Variants in CTIF observed in about 807,000 individuals in gnomAD.
CTIF encodes the protein CBP80/20-dependent translation initiation factor.
A neutral mutation model predicts 66.0 loss-of-function variants in CTIF; 21 were observed. That is an observed-to-expected ratio of 0.32 (90% confidence interval 0.23 to 0.46). CTIF has a LOEUF of 0.46. Ranked by LOEUF, CTIF falls within the 20% of genes least tolerant of loss-of-function variation. CTIF has a pLI of 1.00. For synonymous variants in CTIF, 345 were observed against 326.4 expected (o/e 1.06, Z -0.62); for missense variants, 739 against 812.7 (o/e 0.91, Z 1.10).
At chr18:48,603,399 GT>G (rs2090137730) in intron 1 of CTIF, among the ~76,000 whole-genome samples, 32 of 68,088 alleles carry the variant, frequency 4.7e-4, no homozygotes, top group African/African-American at 1.2e-3. Flanking sequence ...GGATGGATAT[GT>G]GAATGAGTGG....
intron 9 of CTIF, among the ~76,000 whole-genome samples, chr18:48,813,063 C>T (rs565480910): frequency 2.9e-4 from 44 of 151,778 alleles, no homozygotes; most frequent in African/African-American, 8.5e-4. Flanking sequence ...ATCTATTCTG[C>T]TCTCTAGGTG....
At position 48,667,266 on chromosome 18, in the gene CTIF, T is replaced by C. The variant is rs371974501; in HGVS notation, c.431+2715T>C. On this transcript the variant is annotated intron_variant, in intron 5 of 11. Coordinates refer to ENST00000256413, the MANE Select transcript of CTIF (RefSeq NM_014772.3). Reference sequence around the variant, plus strand: ...GACTAGACTATGCAGTGTAGACATATAGACACCATAAAGACATATATAGAC... The same window carrying C: ...GACTAGACTATGCAGTGTAGACATACAGACACCATAAAGACATATATAGAC... Among the ~76,000 whole-genome samples, 41 of 152,278 alleles carry C rather than the reference T, an allele frequency of 2.7e-4. No individual in the cohort carries two copies. The South Asian group carries it at 5.8e-3, about 22-fold the overall frequency.
intron 3 of CTIF, among the ~76,000 whole-genome samples, chr18:48,647,207 G>A (rs148052217): frequency 4.1e-4 from 62 of 152,316 alleles, no homozygotes; most frequent in African/African-American, 1.4e-3. Context: ...CTCCAAAGTC[G>A]CATACTCTGC....
chr18:48,675,785 G>A (rs1327229020), intron 6 of CTIF, among the ~76,000 whole-genome samples: 2 of 152,240 alleles, frequency 1.3e-5, no homozygotes, highest in African/African-American at 4.8e-5. Flanking sequence ...CACCCACTGG[G>A]GTGGGGCTGG....
chr18:48,848,885 A>G (rs2069136754), intron 10 of CTIF, among the ~76,000 whole-genome samples: 1 of 152,254 alleles, frequency 6.6e-6, no homozygotes, highest in African/African-American at 2.4e-5. Context: ...GCCAGAGACA[A>G]TAGGACAGGA....
At chr18:48,612,078 G>C (rs1598738331) in intron 1 of CTIF, among the ~76,000 whole-genome samples, 2 of 152,216 alleles carry the variant, frequency 1.3e-5, no homozygotes, top group Non-Finnish European at 2.9e-5. Flanking sequence ...TTTCCCAGGG[G>C]TTGGGGACCT....
chr18:48,544,128 C>T (rs961706247), intron 1 of CTIF, among the ~76,000 whole-genome samples: 4 of 152,210 alleles, frequency 2.6e-5, no homozygotes, highest in African/African-American at 9.7e-5. Flanking sequence ...TCTCAACTGA[C>T]TCAAGTAAGG....
At chr18:48,826,779 C>T (rs1209756839) in intron 10 of CTIF, 2 of 152,176 alleles carry the variant, frequency 1.3e-5, no homozygotes, top group African/African-American at 4.8e-5. Flanking sequence ...TATTGAACTG[C>T]GAAGTTTCCT....
chr18:48,704,821 G>A (rs9964435), intron 6 of CTIF, among the ~76,000 whole-genome samples: 7,530 of 152,234 alleles, frequency 0.049, 264 homozygotes, highest in African/African-American at 0.1. Context: ...AGACTTCAGC[G>A]TAAGAATTTG....
rs531925406 is a variant in CTIF at position 48,540,522 on chromosome 18, G to C, written c.-29+1210G>C. Among the ~76,000 whole-genome samples the C allele has an allele frequency of 1.1e-4, 17 of 151,910 alleles. No homozygotes were observed. The East Asian group carries it at 2.9e-3, about 26-fold the overall frequency. On this transcript the variant is annotated intron_variant, in intron 1 of 11. Transcript: ENST00000256413. ...TTGATGGTAAAAGACAATCGGGAGG[G>C]GGGTGGTCCGAGCCCGTTATCTGGG... is the stretch of plus-strand genomic sequence containing the variant.
chr18:48,711,562 T>G, intron 6 of CTIF, 57 bp from the exon 7 acceptor site: 1 of 1,378,018 alleles, frequency 7.3e-7, no homozygotes, highest in Non-Finnish European at 1.0e-6. Flanking sequence ...GTCCCAGAGG[T>G]GCTTTGCTCT....
At chr18:48,765,514 G>A (rs1189397151) in intron 9 of CTIF, among the ~76,000 whole-genome samples, 1 of 152,264 alleles carries the variant, frequency 6.6e-6, no homozygotes, top group Non-Finnish European at 1.5e-5. Flanking sequence ...TTCTCTTGCT[G>A]CCAGGGCTTC....
At chr18:48,813,721 A>G (rs1259307434) in intron 9 of CTIF, among the ~76,000 whole-genome samples, 1 of 152,232 alleles carries the variant, frequency 6.6e-6, no homozygotes, top group Non-Finnish European at 1.5e-5. Flanking sequence ...GTCAAGAGCT[A>G]GTTCTTTGAT....
At chr18:48,798,535 C>T (rs576480067) in intron 9 of CTIF, among the ~76,000 whole-genome samples, 1 of 152,344 alleles carries the variant, frequency 6.6e-6, no homozygotes, top group East Asian at 1.9e-4. Flanking sequence ...TAGCACAGTA[C>T]TGAGTTCCGA....
intron 7 of CTIF, among the ~76,000 whole-genome samples, chr18:48,724,686 C>T (rs765681423): frequency 2.6e-5 from 4 of 152,210 alleles, no homozygotes; most frequent in African/African-American, 4.8e-5. Context: ...TGTGTGAGCT[C>T]CTGGGCTCAC....
At chr18:48,707,550 CTCT>C (rs61360241) in intron 6 of CTIF, among the ~76,000 whole-genome samples, 1,676 of 151,642 alleles carry the variant, frequency 0.011, 30 homozygotes, top group African/African-American at 0.036. Flanking sequence ...CCTTGTCCTC[CTCT>C]TCTTCTTCTT....
intron 1 of CTIF, among the ~76,000 whole-genome samples, chr18:48,594,160 C>T (rs181907358): frequency 4.6e-4 from 70 of 151,948 alleles, no homozygotes; most frequent in African/African-American, 1.3e-3. Flanking sequence ...TACCCTTTTC[C>T]GGCGGGTCCT....
intron 1 of CTIF, among the ~76,000 whole-genome samples, chr18:48,549,248 G>A (rs897070415): frequency 6.6e-6 from 1 of 152,142 alleles, no homozygotes; most frequent in African/African-American, 2.4e-5. Flanking sequence ...CATTATCTGT[G>A]GGGACTGAAC....
At chr18:48,730,457 TTCCGCGGTGTGAGGGG>T (rs2092437597) in intron 7 of CTIF, among the ~76,000 whole-genome samples, 1 of 112,478 alleles carries the variant, frequency 8.9e-6, no homozygotes. Flanking sequence ...TGTGAGGGGC[TTCCGCGGTGTGAGGGG>T]CTTCCGCGGT....
Sources: gnomAD v4.1 joint callset for allele counts (sites outside exome capture counted in the v4.1 genomes callset) on GRCh38, gnomAD v4.1.1 for gene constraint, MANE v1.5 for transcripts, NCBI Gene and HGNC (gene_info 2026-07-23, HGNC 2026-07-21) for gene names.